SGO2: variants seen among roughly 807,000 people sequenced by gnomAD.
The protein encoded by SGO2 is shugoshin 2.
In SGO2, 68 loss-of-function variants were observed where a neutral mutation model predicts 99.5. The observed-to-expected ratio is 0.68, with a 90% confidence interval of 0.56 to 0.84. SGO2 has a LOEUF of 0.84. Among genes scored for constraint, SGO2 ranks in the 40% least tolerant of loss-of-function variants. The probability of loss-of-function intolerance (pLI) is 0.00; values close to 1 mark genes in which losing one functional copy is unlikely to be tolerated. For synonymous variants in SGO2, 457 were observed against 487.1 expected (o/e 0.94, Z 0.81); for missense variants, 1,350 against 1,436.7 (o/e 0.94, Z 0.97).
chr2:200,539,173 C>T (rs1411216021), intron 4 of SGO2, among the ~76,000 whole-genome samples: 1 of 152,026 alleles, frequency 6.6e-6, no homozygotes, highest in Admixed American at 6.6e-5. Context: ...TTTTTGTTGA[C>T]TTTATTTATC....
chr2:200,571,566 A>G lies in SGO2; in HGVS notation c.1220A>G (p.Glu407Gly), dbSNP rs765556993. The G allele has an allele frequency of 2.9e-5, 46 of 1,611,782 alleles. 1 individual carries two copies. The South Asian group carries it at 4.6e-4, about 16-fold the overall frequency. Residue 407 changes from glutamate to glycine, a missense_variant, in exon 7 of 9, where the codon GAA becomes GGA. Physicochemically the swap from Glu to Gly is moderately conservative, Grantham distance 98. Coordinates refer to ENST00000357799, the MANE Select transcript of SGO2 (RefSeq NM_152524.6). Reference sequence around the variant, plus strand: ...AGAAAAGTGAAAGATTCCAGCTCTGAAAAAAAGAGAGAAAGATCAAAGAGA... The same window carrying G: ...AGAAAAGTGAAAGATTCCAGCTCTGGAAAAAAGAGAGAAAGATCAAAGAGA... ...TFRKVKDSSS[E>G]KKRERSKRQF...
In SGO2 at chr2:200,572,888, G is replaced by A; in HGVS notation, c.2542G>A (p.Asp848Asn). 6.3e-7 allele frequency: 1 copy of A among 1,591,526 alleles called. No homozygotes were observed. The highest frequency in any genetic ancestry group is 8.5e-7 in the Non-Finnish European group (1 of 1,172,994). ...TAACTTCTTCTCTCTAACCCCAAAG[G>A]ATAAAGAAACAATTTCTGAAAATCT... ...KDNFFSLTPK[D>N]KETISENLQV... Residue 848 changes from aspartate (D) to asparagine (N), a missense_variant, in exon 7 of 9, where the codon GAT becomes AAT. Transcript: ENST00000357799.
rs576610731 is a variant in SGO2 at position 200,574,536 on chromosome 2, T to A, written c.3631+559T>A. 6.4e-4 allele frequency among the ~76,000 whole-genome samples: 97 copies of A among 152,184 alleles called. 1 individual carries two copies. Among genetic ancestry groups the A allele is most frequent in the South Asian group, 8.3e-4 (4 of 4,832 alleles). Reference sequence around the variant, plus strand: ...AGCACATGTATTATGCTAAGGGATATAATGGGGAGTAATTTTGACTAGAGG... The same window carrying A: ...AGCACATGTATTATGCTAAGGGATAAAATGGGGAGTAATTTTGACTAGAGG... On this transcript the variant is annotated intron_variant, in intron 7 of 8. Transcript: ENST00000357799.
chr2:200,565,618 G>A (rs1488012383), intron 5 of SGO2, among the ~76,000 whole-genome samples: 1 of 152,168 alleles, frequency 6.6e-6, no homozygotes, highest in African/African-American at 2.4e-5. Context: ...TGCCTTGCTA[G>A]GCTGGGGAAG....
chr2:200,573,148 A>G lies in SGO2; in HGVS notation c.2802A>G (p.Gln934=). 1.3e-6 allele frequency: 2 copies of G among 1,588,972 alleles called. No individual in the cohort carries two copies. Among genetic ancestry groups the G allele is most frequent in the Non-Finnish European group, 1.7e-6 (2 of 1,173,576 alleles). ...YEDNDKDAHV[Q]ESYTKDLDFK... The stretch of plus-strand genomic sequence containing the variant: ...ATAATGATAAAGATGCACATGTCCA[A>G]GAAAGCTATACAAAAGATCTTGATT... Residue 934 remains glutamine, a synonymous_variant, in exon 7 of 9, where the codon CAA becomes CAG. Coordinates refer to ENST00000357799, the MANE Select transcript of SGO2 (RefSeq NM_152524.6).
chr2:200,579,822 A>G (rs2033779737), intron 8 of SGO2, among the ~76,000 whole-genome samples: 1 of 152,094 alleles, frequency 6.6e-6, no homozygotes, highest in Non-Finnish European at 1.5e-5. Flanking sequence ...ATAGTTACCC[A>G]CCTTTGAATT....
intron 8 of SGO2, among the ~76,000 whole-genome samples, chr2:200,581,423 T>C (rs907410599): frequency 6.6e-6 from 1 of 152,164 alleles, no homozygotes; most frequent in South Asian, 2.1e-4. Flanking sequence ...TTATTACTTA[T>C]TCATTTTGGA....
chr2:200,530,425 T>C (rs1382164346), intron 1 of SGO2, among the ~76,000 whole-genome samples: 1 of 152,234 alleles, frequency 6.6e-6, no homozygotes, highest in African/African-American at 2.4e-5. Flanking sequence ...TTGATGCATC[T>C]ACTTTAGTTA....
intron 4 of SGO2, among the ~76,000 whole-genome samples, chr2:200,541,619 C>G (rs1157992111): frequency 6.6e-6 from 1 of 152,094 alleles, no homozygotes; most frequent in Non-Finnish European, 1.5e-5. Flanking sequence ...ATGGCTACAC[C>G]CAACTGACTA....
intron 1 of SGO2, 92 bp from the exon 2 acceptor site, chr2:200,532,882 T>A: frequency 7.9e-7 from 1 of 1,271,356 alleles, no homozygotes; most frequent in Admixed American, 2.6e-5. Flanking sequence ...CAAAGTATAT[T>A]AAGTCATGAT....
intron 5 of SGO2, among the ~76,000 whole-genome samples, chr2:200,560,311 T>C (rs1031151499): frequency 4.6e-5 from 7 of 152,176 alleles, no homozygotes; most frequent in African/African-American, 1.2e-4. Flanking sequence ...ATTTCCATGA[T>C]ATATCTTTTT....
rs911207187 is a variant in SGO2, at chr2:200,526,669, G to A, written c.-3+417G>A. 1.3e-5 allele frequency among the ~76,000 whole-genome samples: 2 copies of A among 152,148 alleles called. No individual in the cohort carries two copies. Among genetic ancestry groups the A allele is most frequent in the African/African-American group, 4.8e-5 (2 of 41,432 alleles). On this transcript the variant is annotated intron_variant, in intron 1 of 8. Transcript: ENST00000357799. The surrounding 1 kb of genome is among the most constrained non-coding windows in gnomAD (Gnocchi z 4.8). ...AGGAGCCCTCTCGTTTGGAGAGGCT[G>A]GCTGAAGGCGAAGGGGTGATGGAAG... is the stretch of plus-strand genomic sequence containing the variant.
At chr2:200,569,612 A>T (rs546016239) in intron 5 of SGO2, 51 bp from the exon 6 acceptor site, 1 of 1,396,446 alleles carries the variant, frequency 7.2e-7, no homozygotes, top group East Asian at 2.4e-5. Flanking sequence ...ATGCATTTAA[A>T]GAAAATTTAT....
chr2:200,566,547 A>G (rs1348640659), intron 5 of SGO2, among the ~76,000 whole-genome samples: 2 of 152,192 alleles, frequency 1.3e-5, no homozygotes, highest in Admixed American at 6.5e-5. Context: ...TAGTCTGTCC[A>G]TTCTCAGATC....
chr2:200,573,505 A>G lies in SGO2; in HGVS notation c.3159A>G (p.Lys1053=), dbSNP rs1454190022. The G allele has an allele frequency of 2.5e-6, 4 of 1,612,472 alleles. No individual in the cohort carries two copies. The highest frequency in any genetic ancestry group is 3.4e-6 in the Non-Finnish European group (4 of 1,179,294). ...AGCAAAGCACTACCACTTTGAATAAAAAAGATCTCCCTTTTGTGGAAGAAA... is the reference window on the plus strand; with the variant it reads ...AGCAAAGCACTACCACTTTGAATAAGAAAGATCTCCCTTTTGTGGAAGAAA... ...TQKQSTTTLN[K]KDLPFVEEIK... Residue 1053 remains lysine, a synonymous_variant, in exon 7 of 9, where the codon AAA becomes AAG. Coordinates refer to ENST00000357799, the MANE Select transcript of SGO2 (RefSeq NM_152524.6).
At chr2:200,527,607 C>T (rs2031161734) in intron 1 of SGO2, among the ~76,000 whole-genome samples, 1 of 152,234 alleles carries the variant, frequency 6.6e-6, no homozygotes, top group Non-Finnish European at 1.5e-5. Flanking sequence ...CTGCTTAACA[C>T]TTTCAAAGGA....
intron 1 of SGO2, among the ~76,000 whole-genome samples, chr2:200,530,138 T>C (rs1553555609): frequency 6.6e-6 from 1 of 151,964 alleles, no homozygotes; most frequent in African/African-American, 2.4e-5. Context: ...GTGGGAACCA[T>C]GGGAGAGTTT....
rs541855825 is a variant in SGO2, at chr2:200,547,074, A to G, written c.473+4410A>G. ...AAATAAGACAACTTCAAGGCATATA[A>G]TAATCAAACTCTCAAAGGTCAAAGA... On this transcript the variant is annotated intron_variant, in intron 5 of 8. Transcript: ENST00000357799. 3.9e-5 allele frequency among the ~76,000 whole-genome samples: 6 copies of G among 152,344 alleles called. No homozygotes were observed. The South Asian group carries it at 1.2e-3, about 32-fold the overall frequency.
At chr2:200,539,658 T>G (rs1188154540) in intron 4 of SGO2, among the ~76,000 whole-genome samples, 1 of 152,162 alleles carries the variant, frequency 6.6e-6, no homozygotes, top group African/African-American at 2.4e-5. Context: ...GTTTTGAGAA[T>G]TTTGACTTTG....
Sources: gnomAD v4.1 joint callset for allele counts (sites outside exome capture counted in the v4.1 genomes callset) on GRCh38, gnomAD v4.1.1 for gene constraint, Gnocchi (gnomAD v3.1) non-coding constraint, MANE v1.5 for transcripts, NCBI Gene and HGNC (gene_info 2026-07-23, HGNC 2026-07-21) for gene names.